ESR1: variants seen among roughly 807,000 people sequenced by gnomAD.
The protein encoded by ESR1 is estrogen receptor.
A neutral mutation model predicts 52.7 loss-of-function variants in ESR1; 12 were observed. That is an observed-to-expected ratio of 0.23 (90% confidence interval 0.15 to 0.37). The LOEUF (loss-of-function observed/expected upper bound fraction) is 0.37. Ranked by LOEUF, ESR1 falls within the 10% of genes least tolerant of loss-of-function variation. The pLI is 1.00. For synonymous variants in ESR1, 305 were observed against 316.8 expected, an observed-to-expected ratio of 0.96 and a Z score of 0.39; for missense variants, 584 against 779.7, an observed-to-expected ratio of 0.75 and a Z score of 2.99.
chr6:152,127,380 G>A (rs768423001), exon 7 of ESR1: 5 of 152,122 alleles, frequency 3.3e-5, no homozygotes, highest in African/African-American at 4.8e-5. Flanking sequence ...ACAATGCTTA[G>A]CATGTATACA....
intron 6 of ESR1, among the ~76,000 whole-genome samples, chr6:152,087,385 C>T (rs1041800725): frequency 3.9e-5 from 6 of 152,216 alleles, no homozygotes; most frequent in South Asian, 4.1e-4. Flanking sequence ...ACTTTCCCAT[C>T]AGCAAGTCAT....
rs561411501 is a variant in ESR1 at position 151,839,238 on chromosome 6, G to A, written c.453-3359G>A. Reference sequence around the variant, plus strand: ...CAGGGATGTTGATTCAAGTTTATGGGGATTAGGAGTGGCTGGTAAGGGAGG... The same window carrying A: ...CAGGGATGTTGATTCAAGTTTATGGAGATTAGGAGTGGCTGGTAAGGGAGG... On this transcript the variant is annotated intron_variant, in intron 1 of 7. Transcript: ENST00000206249. Among the ~76,000 whole-genome samples, 35 of 152,222 alleles carry A rather than the reference G, an allele frequency of 2.3e-4. 1 individual carries two copies. The South Asian group carries it at 7.2e-3, about 32-fold the overall frequency.
At chr6:151,775,669 C>A (rs1049911657) in intron 2 of ESR1, among the ~76,000 whole-genome samples, 1 of 151,798 alleles carries the variant, frequency 6.6e-6, no homozygotes, top group African/African-American at 2.4e-5. Flanking sequence ...TGGCGTGAAC[C>A]CGGGAGGCGG....
intron 3 of ESR1, among the ~76,000 whole-genome samples, chr6:151,891,476 C>G (rs962305893): frequency 6.6e-6 from 1 of 152,104 alleles, no homozygotes; most frequent in African/African-American, 2.4e-5. Context: ...CCAGGAATTT[C>G]CATATGCTTT....
upstream of ESR1, chr6:151,805,573 C>T (rs1777715319): frequency 6.6e-6 from 1 of 152,578 alleles, no homozygotes; most frequent in Non-Finnish European, 1.5e-5. Flanking sequence ...CACTGCCATT[C>T]ATCCAGCGCT....
intron 2 of ESR1, among the ~76,000 whole-genome samples, chr6:151,851,915 T>C (rs1193634682): frequency 1.3e-5 from 2 of 152,162 alleles, no homozygotes; most frequent in African/African-American, 4.8e-5. Flanking sequence ...GAAGACCAAT[T>C]TGGCTGATAT....
At chr6:152,122,633 G>T (rs1388872329) in intron 6 of ESR1, 2 of 1,614,126 alleles carry the variant, frequency 1.2e-6, no homozygotes, top group East Asian at 2.2e-5. Context: ...GACCGACCTG[G>T]CCCTGGCTCA....
At chr6:152,023,774 A>G (rs997393828) in intron 5 of ESR1, among the ~76,000 whole-genome samples, 2 of 152,166 alleles carry the variant, frequency 1.3e-5, no homozygotes, top group Non-Finnish European at 2.9e-5. Context: ...CTGTCTGGAT[A>G]TATCTGATTG....
At chr6:152,107,414 C>T (rs889148276), downstream of ESR1, among the ~76,000 whole-genome samples, 1 of 152,018 alleles carries the variant, frequency 6.6e-6, no homozygotes, top group African/African-American at 2.4e-5. Context: ...TTTTTATTTC[C>T]ATTATTGTAT....
chr6:151,855,676 A>G (rs964919834), intron 2 of ESR1, among the ~76,000 whole-genome samples: 1 of 152,222 alleles, frequency 6.6e-6, no homozygotes, highest in Admixed American at 6.5e-5. Flanking sequence ...GGTTGTGATA[A>G]TGCACATTAA....
At chr6:151,879,290 A>G (rs1792376292) in intron 2 of ESR1, among the ~76,000 whole-genome samples, 1 of 152,210 alleles carries the variant, frequency 6.6e-6, no homozygotes, top group Non-Finnish European at 1.5e-5. Flanking sequence ...GTGGACTGAA[A>G]AATACCTGTA....
chr6:151,683,250 T>C (rs1702206210), intron 1 of ESR1, among the ~76,000 whole-genome samples: 1 of 152,120 alleles, frequency 6.6e-6, no homozygotes, highest in African/African-American at 2.4e-5. Context: ...GATTTTGGTA[T>C]TGTAGAGGGA....
At chr6:151,972,915 A>C (rs2039057750) in intron 4 of ESR1, among the ~76,000 whole-genome samples, 1 of 152,204 alleles carries the variant, frequency 6.6e-6, no homozygotes, top group Non-Finnish European at 1.5e-5. Context: ...CAGAAATTCG[A>C]GGGCAGGAAG....
chr6:152,023,690 A>T (rs1205426066), intron 5 of ESR1, among the ~76,000 whole-genome samples: 1 of 152,180 alleles, frequency 6.6e-6, no homozygotes, highest in African/African-American at 2.4e-5. Flanking sequence ...ATGTCTGTCT[A>T]TTTGAATTTA....
chr6:152,066,505 T>A (rs962956547), intron 6 of ESR1, among the ~76,000 whole-genome samples: 4 of 152,228 alleles, frequency 2.6e-5, no homozygotes, highest in Non-Finnish European at 5.9e-5. Flanking sequence ...CCCATTGTTG[T>A]CACATTGGAG....
intron 4 of ESR1, among the ~76,000 whole-genome samples, chr6:152,002,975 G>A (rs1040490032): frequency 2.0e-5 from 3 of 151,902 alleles, no homozygotes; most frequent in African/African-American, 7.2e-5. Flanking sequence ...GATGAGGGTG[G>A]GGATGGGTTT....
chr6:151,993,300 C>T (rs1053668424), intron 4 of ESR1, among the ~76,000 whole-genome samples: 1 of 152,192 alleles, frequency 6.6e-6, no homozygotes, highest in African/African-American at 2.4e-5. Flanking sequence ...TGCTGACATA[C>T]TGTCCAATGA....
chr6:152,088,560 C>T lies in ESR1; in HGVS notation c.1370-5825C>T, dbSNP rs149859041. ...GTGGTTGAAACCATTCACGGAATAA[C>T]GGGTTAATGGATCAATGAGTTATCC... On this transcript the variant is annotated intron_variant, in intron 6 of 7. Transcript: ENST00000206249. Among the ~76,000 whole-genome samples, 32 of 152,242 alleles carry T rather than the reference C, an allele frequency of 2.1e-4. 1 individual carries two copies. The East Asian group carries it at 5.6e-3, about 27-fold the overall frequency.
At chr6:151,704,387 C>T (rs764352631) in intron 2 of ESR1, among the ~76,000 whole-genome samples, 8 of 152,036 alleles carry the variant, frequency 5.3e-5, no homozygotes, top group Non-Finnish European at 1.0e-4. Flanking sequence ...TACAGGTGCC[C>T]GCCACCACAC....
Sources: allele counts gnomAD v4.1 joint callset (sites outside exome capture counted in the v4.1 genomes callset), GRCh38; gene constraint gnomAD v4.1.1; transcripts MANE v1.5; gene names NCBI Gene and HGNC (gene_info 2026-07-23, HGNC 2026-07-21).